COMMD10: variants seen among roughly 807,000 people sequenced by gnomAD.
COMMD10 encodes COMM domain containing 10, also known as COMM domain-containing protein 10.
In COMMD10, 33 loss-of-function variants were observed where a neutral mutation model predicts 28.9. The observed-to-expected ratio is 1.14, with a 90% CI of 0.87 to 1.53. COMMD10 has a LOEUF of 1.53. COMMD10 is among the 40% of genes most tolerant of loss of function. The probability of loss-of-function intolerance (pLI) is 0.00; values close to 1 mark genes in which losing one functional copy is unlikely to be tolerated. For missense variants in COMMD10, 310 were observed against 233.4 expected (o/e 1.33, Z -2.14); for synonymous variants, 110 against 81.7 (o/e 1.35, Z -1.87).
chr5:116,275,022 C>T (rs912720832), intron 5 of COMMD10, among the ~76,000 whole-genome samples: 1 of 151,754 alleles, frequency 6.6e-6, no homozygotes. Context: ...TTAAACTGAA[C>T]TTGAAATTCC....
At chr5:116,265,172 C>G (rs1217682160) in intron 5 of COMMD10, among the ~76,000 whole-genome samples, 1 of 151,750 alleles carries the variant, frequency 6.6e-6, no homozygotes, top group Non-Finnish European at 1.5e-5. Context: ...CAATTTAATA[C>G]TAAGCAATGT....
intron 5 of COMMD10, among the ~76,000 whole-genome samples, chr5:116,283,280 T>A (rs984047413): frequency 2.0e-5 from 3 of 151,838 alleles, no homozygotes; most frequent in African/African-American, 7.3e-5. Flanking sequence ...GTTTTAAAAC[T>A]TATTCATTTG....
chr5:116,150,860 G>C (rs1272760892), intron 5 of COMMD10, among the ~76,000 whole-genome samples: 1 of 146,916 alleles, frequency 6.8e-6, no homozygotes, highest in Non-Finnish European at 1.5e-5. Flanking sequence ...TCCTTCTCCT[G>C]CCTAATTGCC....
chr5:116,177,330 A>G (rs1306701839), intron 5 of COMMD10, among the ~76,000 whole-genome samples: 1 of 152,120 alleles, frequency 6.6e-6, no homozygotes, highest in East Asian at 1.9e-4. Flanking sequence ...AATACATGTA[A>G]ATGTAAATGC....
intron 5 of COMMD10, among the ~76,000 whole-genome samples, chr5:116,270,800 G>C (rs566807376): frequency 1.1e-4 from 16 of 151,744 alleles, no homozygotes; most frequent in African/African-American, 3.6e-4. Flanking sequence ...AGTTGGGCTT[G>C]ATGGTGCATA....
chr5:116,292,571 C>A lies in COMMD10; in HGVS notation c.*82C>A. On this transcript the variant is annotated 3_prime_UTR_variant, in exon 7 of 7. Coordinates refer to ENST00000274458, the MANE Select transcript of COMMD10 (RefSeq NM_016144.4). ...AAGATACATTGCCAGGTTGTGTTTTCTGAAGGATTCAGTGACTTGCTTTCT... is the reference window on the plus strand; with the variant it reads ...AAGATACATTGCCAGGTTGTGTTTTATGAAGGATTCAGTGACTTGCTTTCT... 8.4e-7 allele frequency: 1 copy of A among 1,194,662 alleles called. No homozygotes were observed. Among genetic ancestry groups the A allele is most frequent in the Non-Finnish European group, 1.2e-6 (1 of 842,612 alleles). The allele number at this position is 1,194,662 out of a possible 1,614,324, so 74.0% of individuals were successfully genotyped here.
chr5:116,189,472 T>C (rs1454018216), intron 5 of COMMD10, among the ~76,000 whole-genome samples: 4 of 152,124 alleles, frequency 2.6e-5, no homozygotes, highest in African/African-American at 9.7e-5. Context: ...TAACCTTCTT[T>C]AGTGCCATCT....
At chr5:116,225,808 GTT>G (rs113147659) in intron 5 of COMMD10, among the ~76,000 whole-genome samples, 5 of 148,076 alleles carry the variant, frequency 3.4e-5, no homozygotes, top group African/African-American at 1.0e-4. Flanking sequence ...CTAAAATCTT[GTT>G]TTTTTTTTTT....
intron 5 of COMMD10, among the ~76,000 whole-genome samples, chr5:116,212,936 G>A (rs758442158): frequency 6.6e-6 from 1 of 152,096 alleles, no homozygotes; most frequent in Non-Finnish European, 1.5e-5. Flanking sequence ...TAAGCCTGGT[G>A]TGTAACAGTG....
intron 5 of COMMD10, among the ~76,000 whole-genome samples, chr5:116,194,813 G>A (rs1206486167): frequency 6.6e-6 from 1 of 151,964 alleles, no homozygotes; most frequent in African/African-American, 2.4e-5. Flanking sequence ...AATTAATTAT[G>A]TGAAGCTAGC....
chr5:116,243,097 G>C (rs1749852835), intron 5 of COMMD10, among the ~76,000 whole-genome samples: 1 of 152,132 alleles, frequency 6.6e-6, no homozygotes, highest in Non-Finnish European at 1.5e-5. Context: ...TGTCCAAGAA[G>C]TACTACTCAT....
At chr5:116,203,742 A>C in intron 5 of COMMD10, among the ~76,000 whole-genome samples, 1 of 152,300 alleles carries the variant, frequency 6.6e-6, no homozygotes, top group Middle Eastern at 3.4e-3. Context: ...TGAAGGAAGC[A>C]CTAAACATGG....
chr5:116,198,537 C>T (rs62384235), intron 5 of COMMD10, among the ~76,000 whole-genome samples: 11,099 of 152,044 alleles, frequency 0.073, 478 homozygotes, highest in Admixed American at 0.13. Context: ...TCACTCAAGA[C>T]CCTAGTTAAT....
chr5:116,170,831 TAACTC>T (rs1753302954), intron 5 of COMMD10, among the ~76,000 whole-genome samples: 1 of 151,998 alleles, frequency 6.6e-6, no homozygotes, highest in African/African-American at 2.4e-5. Flanking sequence ...ATATAAAAAT[TAACTC>T]AAGATGGATT....
intron 5 of COMMD10, among the ~76,000 whole-genome samples, chr5:116,163,882 T>G (rs1045111575): frequency 6.6e-6 from 1 of 152,202 alleles, no homozygotes; most frequent in Non-Finnish European, 1.5e-5. Context: ...GTGTGAAATT[T>G]ATGTATATTT....
intron 5 of COMMD10, among the ~76,000 whole-genome samples, chr5:116,211,757 A>C (rs1007520222): frequency 1.3e-5 from 2 of 152,152 alleles, no homozygotes; most frequent in African/African-American, 4.8e-5. Context: ...TTGCAGCTAC[A>C]TTACACACTC....
At position 116,289,265 on chromosome 5, in the gene COMMD10, A is replaced by G. The variant is rs549830573; in HGVS notation, c.511-2252A>G. ...TGATAGACCTTTGTTTCTTCAGGGT[A>G]AGTGTCCCGAGTTTTATTTTGTTCC... On this transcript the variant is annotated intron_variant, in intron 5 of 6. Coordinates refer to ENST00000274458, the MANE Select transcript of COMMD10 (RefSeq NM_016144.4). 8.6e-5 allele frequency among the ~76,000 whole-genome samples: 13 copies of G among 151,884 alleles called. No homozygotes were observed. In the South Asian group the frequency reaches 1.7e-3, roughly 19 times the overall value.
Position 116,177,157 on chromosome 5 carries a change from G to A in COMMD10, c.510+42979G>A, listed in dbSNP as rs147480424. On this transcript the variant is annotated intron_variant, in intron 5 of 6. Transcript: ENST00000274458. ...ATTGTGTTGGAAGAGCCTCAGAGTG[G>A]TGATTAAGACAGGGATCCAGTGGAC... 4.3e-3 allele frequency among the ~76,000 whole-genome samples: 650 copies of A among 152,198 alleles called. 1 individual carries two copies. Among genetic ancestry groups the A allele is most frequent in the African/African-American group, 6.7e-3 (277 of 41,548 alleles).
At chr5:116,268,259 A>G (rs1750654062) in intron 5 of COMMD10, among the ~76,000 whole-genome samples, 1 of 151,880 alleles carries the variant, frequency 6.6e-6, no homozygotes, top group Admixed American at 6.6e-5. Context: ...ACAAGAAAAA[A>G]ATCAAACAAC....
Sources: allele counts gnomAD v4.1 joint callset (sites outside exome capture counted in the v4.1 genomes callset), GRCh38; gene constraint gnomAD v4.1.1; transcripts MANE v1.5; gene names NCBI Gene and HGNC (gene_info 2026-07-23, HGNC 2026-07-21).